The following TUSC3 variants were observed in gnomAD, a reference collection of about 807,000 sequenced individuals.
The protein encoded by TUSC3 is tumor suppressor candidate 3, also known as dolichyl-diphosphooligosaccharide--protein glycosyltransferase subunit TUSC3.
TUSC3 carries 45 observed loss-of-function variants against 44.8 expected under a neutral mutation model. The ratio of observed to expected loss-of-function variants is 1.00; its 90% CI spans 0.79 to 1.29. The LOEUF is 1.29. Ranked by LOEUF, TUSC3 falls within the 50% of genes most tolerant of loss-of-function variation. The probability of loss-of-function intolerance (pLI) is 0.00; values close to 1 mark genes in which losing one functional copy is unlikely to be tolerated. For missense variants in TUSC3, 519 were observed against 437.9 expected (o/e 1.19, Z -1.65); for synonymous variants, 212 against 152.9 (o/e 1.39, Z -2.85).
At chr8:15,712,491 G>C (rs1379974951) in intron 6 of TUSC3, among the ~76,000 whole-genome samples, 1 of 151,676 alleles carries the variant, frequency 6.6e-6, no homozygotes, top group African/African-American at 2.4e-5. Context: ...TGCTTATTTC[G>C]ATCTTTATTC....
At chr8:15,428,256 G>A (rs535234526) in intron 1 of TUSC3, among the ~76,000 whole-genome samples, 1 of 151,694 alleles carries the variant, frequency 6.6e-6, no homozygotes, top group South Asian at 2.1e-4. Flanking sequence ...CGCTGAGAAT[G>A]ATGGGTTCCA....
the TUSC3 span, among the ~76,000 whole-genome samples, chr8:15,805,260 A>G: frequency 1.3e-5 from 2 of 152,112 alleles, no homozygotes; most frequent in Admixed American, 6.6e-5. Context: ...CTAGGTATAT[A>G]ATCATTAAGT....
At chr8:15,713,450 T>C (rs1278776320) in intron 6 of TUSC3, among the ~76,000 whole-genome samples, 1 of 152,164 alleles carries the variant, frequency 6.6e-6, no homozygotes, top group African/African-American at 2.4e-5. Flanking sequence ...TAAAAGATCT[T>C]AAGAAAACTA....
chr8:15,761,820 T>C (rs913713446), intron 10 of TUSC3, among the ~76,000 whole-genome samples: 1 of 152,148 alleles, frequency 6.6e-6, no homozygotes, highest in Non-Finnish European at 1.5e-5. Context: ...ATTTATACAT[T>C]TTTGTGATAG....
intron 1 of TUSC3, among the ~76,000 whole-genome samples, chr8:15,597,288 A>G (rs1804113971): frequency 6.6e-6 from 1 of 152,106 alleles, no homozygotes; most frequent in Non-Finnish European, 1.5e-5. Flanking sequence ...CTTAGATCTT[A>G]AGAGATCTAA....
intron 1 of TUSC3, among the ~76,000 whole-genome samples, chr8:15,445,959 C>G (rs1008832289): frequency 6.6e-6 from 1 of 150,934 alleles, no homozygotes; most frequent in East Asian, 2.0e-4. Context: ...GGCTGCCCCC[C>G]ACCTCGCGGA....
intron 7 of TUSC3, among the ~76,000 whole-genome samples, chr8:15,735,878 T>G (rs13267524): frequency 2.1e-4 from 7 of 33,080 alleles, no homozygotes; most frequent in East Asian, 1.3e-3. Context: ...GGGTTTTTTT[T>G]TTTTGTTTTT....
chr8:15,566,502 A>G (rs906766311), intron 1 of TUSC3, among the ~76,000 whole-genome samples: 7 of 152,168 alleles, frequency 4.6e-5, no homozygotes, highest in African/African-American at 1.7e-4. Flanking sequence ...AAAGAGCTGG[A>G]CCACAACAAC....
rs553097525 is a variant in TUSC3 at position 15,645,590 on chromosome 8, T to C, written c.309-5107T>C. Among the ~76,000 whole-genome samples, 3 of 152,252 alleles carry C rather than the reference T, an allele frequency of 2.0e-5. No individual in the cohort carries two copies. In the East Asian group the frequency reaches 5.8e-4, roughly 29 times the overall value. ...TCTTTAACCTCTTAAAAGTGGAGACTGTGAGGTATACTTCTTTATTATTGC... is the reference window on the plus strand; with the variant it reads ...TCTTTAACCTCTTAAAAGTGGAGACCGTGAGGTATACTTCTTTATTATTGC... On this transcript the variant is annotated intron_variant, in intron 2 of 10. Coordinates refer to ENST00000503731, the MANE Select transcript of TUSC3 (RefSeq NM_006765.4).
chr8:15,540,169 C>A (rs917076646), upstream of TUSC3: 3 of 429,528 alleles, frequency 7.0e-6, no homozygotes, highest in Admixed American at 9.2e-5. Context: ...GAGCGCACGC[C>A]GCGCCCCCGA....
the TUSC3 span, among the ~76,000 whole-genome samples, chr8:15,810,393 T>G: frequency 6.6e-6 from 1 of 152,170 alleles, no homozygotes; most frequent in East Asian, 1.9e-4. Flanking sequence ...ATCTCTGCAC[T>G]TTGGGAAGCT....
chr8:15,577,440 G>C (rs895185261), intron 1 of TUSC3, among the ~76,000 whole-genome samples: 3 of 151,672 alleles, frequency 2.0e-5, no homozygotes, highest in African/African-American at 7.3e-5. Flanking sequence ...GGTTTTTATG[G>C]TTTTAGCTCT....
intron 1 of TUSC3, among the ~76,000 whole-genome samples, chr8:15,426,225 T>G (rs933419599): frequency 6.6e-6 from 1 of 152,220 alleles, no homozygotes; most frequent in African/African-American, 2.4e-5. Flanking sequence ...TTGTATTCGT[T>G]TGTTTTTGTT....
At chr8:15,819,610 G>C in the TUSC3 span, among the ~76,000 whole-genome samples, 1 of 151,880 alleles carries the variant, frequency 6.6e-6, no homozygotes, top group East Asian at 1.9e-4. Flanking sequence ...TTGTAATATG[G>C]TGGTGAAGTT....
At chr8:15,523,698 G>GTATATATA (rs1294890661) in intron 2 of TUSC3, among the ~76,000 whole-genome samples, 37 of 55,288 alleles carry the variant, frequency 6.7e-4, no homozygotes, top group African/African-American at 2.4e-3. Flanking sequence ...GTGTGTGTGT[G>GTATATATA]TGTGTGTGTG....
At chr8:15,606,463 T>C (rs1334865717) in intron 1 of TUSC3, among the ~76,000 whole-genome samples, 1 of 152,082 alleles carries the variant, frequency 6.6e-6, no homozygotes, top group Non-Finnish European at 1.5e-5. Context: ...TTTGACTGTG[T>C]GGGTGCCCCT....
At chr8:15,834,855 G>C in the TUSC3 span, among the ~76,000 whole-genome samples, 5 of 152,226 alleles carry the variant, frequency 3.3e-5, no homozygotes, top group African/African-American at 9.6e-5. Context: ...TTTATAAGCA[G>C]ATTTTTATAC....
At chr8:15,626,211 C>G (rs528562664) in intron 2 of TUSC3, among the ~76,000 whole-genome samples, 83 of 152,208 alleles carry the variant, frequency 5.5e-4, no homozygotes, top group Non-Finnish European at 1.0e-3. Context: ...ACTCCAGACC[C>G]TGTCCCTGGT....
chr8:15,774,072 A>G, the TUSC3 span, among the ~76,000 whole-genome samples: 4 of 152,324 alleles, frequency 2.6e-5, no homozygotes, highest in African/African-American at 7.2e-5. Context: ...ACTTTTGTGC[A>G]TTAAAAGCAC....
Sources: gnomAD v4.1 joint callset for allele counts (sites outside exome capture counted in the v4.1 genomes callset) on GRCh38, gnomAD v4.1.1 for gene constraint, MANE v1.5 for transcripts, NCBI Gene and HGNC (gene_info 2026-07-23, HGNC 2026-07-21) for gene names.